ZNF469: variants seen among roughly 807,000 people sequenced by gnomAD.
ZNF469 encodes the protein zinc finger protein 469.
ZNF469 carries 1 observed loss-of-function variant against 1.0 expected under a neutral mutation model. The ratio of observed to expected loss-of-function variants is 1.00; its 90% confidence interval spans 0.35 to 4.73. The LOEUF is 4.73. Ranked by LOEUF, ZNF469 falls within the 30% of genes most tolerant of loss-of-function variation. The probability of loss-of-function intolerance (pLI) is 0.16; values close to 1 mark genes in which losing one functional copy is unlikely to be tolerated. For missense variants in ZNF469, 6,100 were observed against 5,356.3 expected (o/e 1.14, Z -4.33); for synonymous variants, 2,703 against 2,363.4 (o/e 1.14, Z -4.17).
chr16:88,148,867 C>A, the ZNF469 span, among the ~76,000 whole-genome samples: 1 of 152,082 alleles, frequency 6.6e-6, no homozygotes, highest in African/African-American at 2.4e-5. Context: ...CCTCTTGTGC[C>A]GGGGGGTTCA....
chr16:88,272,359 T>TGTAGATGGATGGATGGGTGG, the ZNF469 span, among the ~76,000 whole-genome samples: 1 of 130,914 alleles, frequency 7.6e-6, no homozygotes, highest in Non-Finnish European at 1.6e-5. Context: ...AGTGGGTTGA[T>TGTAGATGGATGGATGGGTGG]GTAGATGGAT....
the ZNF469 span, among the ~76,000 whole-genome samples, chr16:88,142,894 C>G: frequency 4.6e-5 from 7 of 152,196 alleles, no homozygotes; most frequent in Non-Finnish European, 8.8e-5. Flanking sequence ...GCATCGTCAC[C>G]CTCCACGCAC....
chr16:88,150,031 G>A, the ZNF469 span, among the ~76,000 whole-genome samples: 2 of 152,198 alleles, frequency 1.3e-5, no homozygotes, highest in Admixed American at 1.3e-4. Flanking sequence ...TTGTTGGTTA[G>A]GAGCAGTGAT....
chr16:88,168,516 T>A, the ZNF469 span, among the ~76,000 whole-genome samples: 1 of 152,160 alleles, frequency 6.6e-6, no homozygotes, highest in African/African-American at 2.4e-5. This position sits in a 1 kb window ranked among gnomAD's most constrained non-coding sequence, Gnocchi z 4.3. Context: ...CGTGTGTGAT[T>A]GTGACCTTGT....
At chr16:88,243,002 G>A in the ZNF469 span, among the ~76,000 whole-genome samples, 2 of 152,196 alleles carry the variant, frequency 1.3e-5, no homozygotes, top group African/African-American at 4.8e-5. Flanking sequence ...ACACTGATGC[G>A]GTGGGGGATG....
the ZNF469 span, among the ~76,000 whole-genome samples, chr16:88,291,214 G>C: frequency 6.6e-6 from 1 of 152,174 alleles, no homozygotes; most frequent in South Asian, 2.1e-4. Context: ...AGAAGCACCA[G>C]TGGGCAGAAA....
chr16:88,219,350 A>C, the ZNF469 span, among the ~76,000 whole-genome samples: 4 of 139,160 alleles, frequency 2.9e-5, no homozygotes, highest in East Asian at 8.2e-4. Context: ...GAGGCATCAC[A>C]CTACCTGACT....
the ZNF469 span, among the ~76,000 whole-genome samples, chr16:88,155,942 G>C: frequency 6.6e-6 from 1 of 152,172 alleles, no homozygotes; most frequent in South Asian, 2.1e-4. Flanking sequence ...TTACAGCCGT[G>C]CTTATAGGTG....
At chr16:88,403,393 A>C (rs1236848355) in intron 1 of ZNF469, among the ~76,000 whole-genome samples, 1 of 152,196 alleles carries the variant, frequency 6.6e-6, no homozygotes, top group African/African-American at 2.4e-5. Context: ...AAGGGGGCAA[A>C]CACAGGATCT....
rs1906379494 is a variant in ZNF469 at position 88,433,911 on chromosome 16, G to A, written c.6441G>A (p.Gly2147=). 2 of 1,549,246 alleles carry A rather than the reference G, an allele frequency of 1.3e-6. No homozygotes were observed. The highest frequency in any genetic ancestry group is 1.2e-5 in the South Asian group (1 of 84,036). ...CTTCCAGGGCCCAAGGTGGGCTGGG[G>A]GGGCAGCTGCCAGCATCTCCGTCCT... ...TSPSRAQGGL[G]GQLPASPSCR... Residue 2147 remains glycine, a synonymous_variant, in exon 3 of 3, where the codon GGG becomes GGA. Transcript: ENST00000565624.
the ZNF469 span, among the ~76,000 whole-genome samples, chr16:88,377,915 G>A: frequency 2.1e-4 from 32 of 151,866 alleles, no homozygotes; most frequent in African/African-American, 6.1e-4. Flanking sequence ...TTTTTGAGCC[G>A]AGCCCTGGCC....
chr16:88,236,886 C>A, the ZNF469 span, among the ~76,000 whole-genome samples: 1 of 152,086 alleles, frequency 6.6e-6, no homozygotes, highest in East Asian at 1.9e-4. Context: ...GGTTCACAGA[C>A]TTAAAAGAAT....
chr16:88,234,958 G>C, the ZNF469 span: 3 of 152,420 alleles, frequency 2.0e-5, no homozygotes, highest in African/African-American at 7.2e-5. Flanking sequence ...GGGGGGGCAG[G>C]CGGCCGAGCG....
intron 1 of ZNF469, among the ~76,000 whole-genome samples, chr16:88,414,416 C>T (rs1304985835): frequency 1.3e-5 from 2 of 152,228 alleles, no homozygotes. Flanking sequence ...TTACCTCCAC[C>T]CCAAAGAGCC....
chr16:88,106,341 C>A, the ZNF469 span, among the ~76,000 whole-genome samples: 1 of 152,212 alleles, frequency 6.6e-6, no homozygotes, highest in African/African-American at 2.4e-5. Flanking sequence ...AGGAATTTTT[C>A]TCCATCCGAG....
chr16:88,372,101 T>C, the ZNF469 span, among the ~76,000 whole-genome samples: 1 of 98,544 alleles, frequency 1.0e-5, no homozygotes, highest in East Asian at 3.6e-4. Flanking sequence ...ATCACCACCA[T>C]CATCACCATC....
the ZNF469 span, among the ~76,000 whole-genome samples, chr16:88,321,753 G>T: frequency 3.9e-5 from 6 of 152,166 alleles, no homozygotes; most frequent in Non-Finnish European, 7.3e-5. Flanking sequence ...TGCACATGAG[G>T]CCTCACCTGT....
the ZNF469 span, among the ~76,000 whole-genome samples, chr16:88,368,182 A>T: frequency 6.6e-6 from 1 of 152,262 alleles, no homozygotes; most frequent in African/African-American, 2.4e-5. Context: ...GCTTGGCATC[A>T]GATGCTGTGT....
the ZNF469 span, among the ~76,000 whole-genome samples, chr16:88,230,833 C>T: frequency 2.0e-5 from 3 of 152,308 alleles, no homozygotes; most frequent in South Asian, 4.1e-4. Flanking sequence ...CCCTCCCTGG[C>T]CCCGTGGCCT....
Sources: gnomAD v4.1 joint callset for allele counts (sites outside exome capture counted in the v4.1 genomes callset) on GRCh38, gnomAD v4.1.1 for gene constraint, Gnocchi (gnomAD v3.1) non-coding constraint, MANE v1.5 for transcripts, NCBI Gene and HGNC (gene_info 2026-07-23, HGNC 2026-07-21) for gene names.